The following RRAGD variants were observed in gnomAD, a reference collection of about 807,000 sequenced individuals.
The protein encoded by RRAGD is ras-related GTP-binding protein D.
Under a neutral mutation model 35.5 loss-of-function variants are expected in RRAGD, and 12 were observed. The observed-to-expected ratio is 0.34, with a 90% CI of 0.22 to 0.55. The LOEUF (loss-of-function observed/expected upper bound fraction) is 0.55, where lower values mean the gene tolerates loss of function less well. RRAGD is among the 20% of genes least tolerant of loss of function. The pLI, the probability that RRAGD is intolerant of heterozygous loss-of-function variation, is 0.91. For missense variants in RRAGD, 324 were observed against 490.1 expected (o/e 0.66, Z 3.20); for synonymous variants, 155 against 178.9 (o/e 0.87, Z 1.07).
At position 89,386,574 on chromosome 6, in the gene RRAGD, G is replaced by T. The variant is rs376400480; in HGVS notation, c.444+721C>A. Among the ~76,000 whole-genome samples the T allele has an allele frequency of 3.0e-4, 45 of 152,270 alleles. 1 individual carries two copies. In the East Asian group the frequency reaches 3.5e-3, roughly 12 times the overall value. On this transcript the variant is annotated intron_variant, in intron 2 of 6. Transcript: ENST00000369415. Reference sequence around the variant, plus strand: ...AATAATTTTTCATGATAGAAAACTTGGTAATTTAGGGGATATAACTTGGAA... The same window carrying T: ...AATAATTTTTCATGATAGAAAACTTTGTAATTTAGGGGATATAACTTGGAA...
chr6:89,401,346 C>A (rs1245346268), intron 1 of RRAGD, among the ~76,000 whole-genome samples: 1 of 152,028 alleles, frequency 6.6e-6, no homozygotes, highest in African/African-American at 2.4e-5. Context: ...CAACCTCTTC[C>A]TCCCAGGTTC....
rs2127881987 is a variant in RRAGD, at chr6:89,366,515, G to A, written c.*1541C>T. Reference sequence around the variant, plus strand: ...TATTCCAGCACAAGCAACAGAATGAGGCCCCCCTCTAAAAAAAAAAAAAAA... The same window carrying A: ...TATTCCAGCACAAGCAACAGAATGAAGCCCCCCTCTAAAAAAAAAAAAAAA... On this transcript the variant is annotated 3_prime_UTR_variant, in exon 7 of 7. Coordinates refer to ENST00000369415, the MANE Select transcript of RRAGD (RefSeq NM_021244.5). 7.5e-6 allele frequency: 1 copy of A among 132,614 alleles called. No homozygotes were observed. Among genetic ancestry groups the A allele is most frequent in the Non-Finnish European group, 1.6e-5 (1 of 64,018 alleles). 8.2% of individuals were successfully genotyped at this position (132,614 alleles called of 1,614,324 possible).
rs565618213 is a variant in RRAGD, at chr6:89,412,180, C to G, written c.-187G>C. 2.8e-4 allele frequency: 113 copies of G among 407,872 alleles called. No individual in the cohort carries two copies. The East Asian group carries it at 4.6e-3, about 17-fold the overall frequency. The allele number at this position is 407,872 out of a possible 1,614,324, so 25.3% of individuals were successfully genotyped here. ...CAGGTCCGGGTCCCGCGGTTCCCAG[C>G]GCGCCCGAAGCCCCCTCCCCCGCCC... On this transcript the variant is annotated 5_prime_UTR_variant, in exon 1 of 7. Transcript: ENST00000369415. The surrounding 1 kb of genome is among the most constrained non-coding windows in gnomAD (Gnocchi z 4.2).
rs543050773 is a variant in RRAGD at position 89,392,151 on chromosome 6, A to G, written c.149-4561T>C. 1.4e-4 allele frequency among the ~76,000 whole-genome samples: 21 copies of G among 152,212 alleles called. No individual in the cohort carries two copies. In the South Asian group the frequency reaches 4.4e-3, roughly 32 times the overall value. ...AAAAACCCAGTATGAAACTCAAAGA[A>G]GGATCAAGAAAAGGAACCAACGTCT... On this transcript the variant is annotated intron_variant, in intron 1 of 6. Coordinates refer to ENST00000369415, the MANE Select transcript of RRAGD (RefSeq NM_021244.5).
In RRAGD at chr6:89,401,263, T is replaced by TA. The variant is rs199829416; in HGVS notation, c.148+10582_148+10583insT. On this transcript the variant is annotated intron_variant, in intron 1 of 6. Transcript: ENST00000369415. The stretch of plus-strand genomic sequence containing the variant: ...TGTCCAGGGGCTTCCCCACAATATA[T>TA]TTTTTTTTTTTTGAGACAGAGTCTT... 3.1e-4 allele frequency among the ~76,000 whole-genome samples: 30 copies of TA among 95,942 alleles called. 1 individual carries two copies. Among genetic ancestry groups the TA allele is most frequent in the Middle Eastern group, 4.5e-3 (1 of 220 alleles). 62.9% of individuals were successfully genotyped at this position (95,942 alleles called of 152,430 possible). A position where few individuals can be genotyped will look rare whatever the true frequency, so the allele number is the denominator to read the frequency against.
At chr6:89,380,940 G>A (rs1004383926) in intron 2 of RRAGD, among the ~76,000 whole-genome samples, 2 of 150,364 alleles carry the variant, frequency 1.3e-5, no homozygotes, top group Middle Eastern at 3.5e-3. Flanking sequence ...TCAGAGTTGC[G>A]GTTTCAGGAA....
At chr6:89,399,407 C>T (rs907188939) in intron 1 of RRAGD, among the ~76,000 whole-genome samples, 7 of 152,184 alleles carry the variant, frequency 4.6e-5, no homozygotes, top group African/African-American at 1.2e-4. Context: ...AGCAAGAACA[C>T]CATCAACTTT....
At chr6:89,381,279 C>G (rs935537890) in intron 2 of RRAGD, among the ~76,000 whole-genome samples, 1 of 152,216 alleles carries the variant, frequency 6.6e-6, no homozygotes, top group African/African-American at 2.4e-5. Context: ...AGAGACAGTA[C>G]AGTCTACAAA....
At chr6:89,379,033 C>T (rs571591130) in intron 4 of RRAGD, among the ~76,000 whole-genome samples, 191 bp downstream of exon 4, 7 of 152,334 alleles carry the variant, frequency 4.6e-5, no homozygotes, top group South Asian at 2.1e-4. Context: ...CAAAGTGGGG[C>T]GTGAGCCATC....
At chr6:89,388,227 A>G (rs1266889865) in intron 1 of RRAGD, among the ~76,000 whole-genome samples, 1 of 152,188 alleles carries the variant, frequency 6.6e-6, no homozygotes, top group African/African-American at 2.4e-5. Context: ...AGCCAAATAC[A>G]GCTATTTAAA....
chr6:89,384,014 A>T (rs1017752721), intron 2 of RRAGD, among the ~76,000 whole-genome samples: 1 of 151,754 alleles, frequency 6.6e-6, no homozygotes, highest in African/African-American at 2.4e-5. Flanking sequence ...GAGGGAGGAG[A>T]ATCACTTGAA....
At chr6:89,391,693 C>T (rs1379758306) in intron 1 of RRAGD, among the ~76,000 whole-genome samples, 1 of 152,096 alleles carries the variant, frequency 6.6e-6, no homozygotes, top group African/African-American at 2.4e-5. Flanking sequence ...TGGCTCACAC[C>T]TGTAATCATA....
rs866425159 is a variant in RRAGD, at chr6:89,412,229, C to T, written c.-236G>A. ...CCCGCCCGCCGGCGGAGGAGTCAGC[C>T]GGAGCGCGGCAGTTCCTCCCGGAGG... On this transcript the variant is annotated 5_prime_UTR_variant, in exon 1 of 7. Coordinates refer to ENST00000369415, the MANE Select transcript of RRAGD (RefSeq NM_021244.5). The surrounding 1 kb of genome is among the most constrained non-coding windows in gnomAD (Gnocchi z 4.2). 7.1e-6 allele frequency: 2 copies of T among 280,434 alleles called. No homozygotes were observed. Among genetic ancestry groups the T allele is most frequent in the Non-Finnish European group, 1.3e-5 (2 of 154,430 alleles). The allele number at this position is 280,434 out of a possible 1,614,324, so 17.4% of individuals were successfully genotyped here.
At chr6:89,398,641 G>A (rs762443315) in intron 1 of RRAGD, among the ~76,000 whole-genome samples, 13 of 152,234 alleles carry the variant, frequency 8.5e-5, no homozygotes, top group Non-Finnish European at 1.5e-4. Context: ...TGCATGCAAT[G>A]AGAACTCATG....
chr6:89,369,077 G>A (rs950291969), intron 6 of RRAGD, among the ~76,000 whole-genome samples: 1 of 151,988 alleles, frequency 6.6e-6, no homozygotes, highest in African/African-American at 2.4e-5. Flanking sequence ...TTAGGATTCC[G>A]GCCAAGGATT....
intron 1 of RRAGD, among the ~76,000 whole-genome samples, chr6:89,390,154 C>A (rs1380147402): frequency 6.6e-6 from 1 of 152,012 alleles, no homozygotes; most frequent in Admixed American, 6.6e-5. Context: ...GGTTTCTTAG[C>A]TATCACAGCA....
intron 1 of RRAGD, among the ~76,000 whole-genome samples, chr6:89,399,532 G>C (rs1017391692): frequency 3.3e-5 from 5 of 152,176 alleles, no homozygotes; most frequent in Non-Finnish European, 7.3e-5. Flanking sequence ...AGCACTTTGA[G>C]AGGCCAAGGA....
intron 1 of RRAGD, among the ~76,000 whole-genome samples, chr6:89,402,489 C>A (rs1769491485): frequency 6.6e-6 from 1 of 152,170 alleles, no homozygotes; most frequent in Non-Finnish European, 1.5e-5. Flanking sequence ...AAGGCACAGG[C>A]TGTGGAAACA....
intron 1 of RRAGD, among the ~76,000 whole-genome samples, chr6:89,396,747 T>G (rs1769341429): frequency 7.4e-6 from 1 of 135,594 alleles, no homozygotes; most frequent in Non-Finnish European, 1.6e-5. Context: ...TTTTTTTTTT[T>G]TTTTTTTTTT....
Sources: allele counts gnomAD v4.1 joint callset (sites outside exome capture counted in the v4.1 genomes callset), GRCh38; gene constraint gnomAD v4.1.1; non-coding constraint Gnocchi (gnomAD v3.1); transcripts MANE v1.5; gene names NCBI Gene and HGNC (gene_info 2026-07-23, HGNC 2026-07-21).